TRAK2: variants seen among roughly 807,000 people sequenced by gnomAD.
TRAK2 encodes trafficking kinesin-binding protein 2.
Under a neutral mutation model 104.6 loss-of-function variants are expected in TRAK2, and 81 were observed. The ratio of observed to expected loss-of-function variants is 0.77; its 90% CI spans 0.65 to 0.93. The LOEUF (loss-of-function observed/expected upper bound fraction) is 0.93. Among genes scored for constraint, TRAK2 ranks in the 40% least tolerant of loss-of-function variants. The pLI is 0.00. For synonymous variants in TRAK2, 406 were observed against 394.4 expected (o/e 1.03, Z -0.35); for missense variants, 1,002 against 1,089.0 (o/e 0.92, Z 1.12).
At chr2:201,418,969 C>A (rs1205749157) in intron 2 of TRAK2, among the ~76,000 whole-genome samples, 2 of 152,142 alleles carry the variant, frequency 1.3e-5, no homozygotes, top group Non-Finnish European at 2.9e-5. Flanking sequence ...ATTTACCTAA[C>A]AAAGGACTTA....
At chr2:201,440,286 C>T (rs934005304) in intron 1 of TRAK2, among the ~76,000 whole-genome samples, 5 of 152,064 alleles carry the variant, frequency 3.3e-5, no homozygotes, top group African/African-American at 1.2e-4. Flanking sequence ...TCAACTACTA[C>T]ACTTTACTGT....
intron 15 of TRAK2, among the ~76,000 whole-genome samples, chr2:201,382,627 T>C (rs1302315020): frequency 6.6e-6 from 1 of 152,210 alleles, no homozygotes; most frequent in Non-Finnish European, 1.5e-5. Flanking sequence ...ACCAATTTTG[T>C]AAAACTTGTT....
intron 2 of TRAK2, 141 bp downstream of exon 2, chr2:201,420,276 T>G: frequency 1.6e-6 from 1 of 639,508 alleles, no homozygotes; most frequent in East Asian, 2.8e-5. Flanking sequence ...GATGGAGAGA[T>G]TAATTCAGTT....
At chr2:201,440,948 C>A (rs1163745091) in intron 1 of TRAK2, among the ~76,000 whole-genome samples, 1 of 152,190 alleles carries the variant, frequency 6.6e-6, no homozygotes, top group African/African-American at 2.4e-5. Flanking sequence ...AGGAAGGGAC[C>A]TTATTTTTGT....
chr2:201,400,210 T>G (rs6751543), intron 4 of TRAK2, among the ~76,000 whole-genome samples: 2 of 151,738 alleles, frequency 1.3e-5, no homozygotes, highest in South Asian at 4.2e-4. Context: ...TCTGGGCAGA[T>G]AGTGATACTT....
At chr2:201,443,991 A>G (rs543790841) in intron 1 of TRAK2, among the ~76,000 whole-genome samples, 1 of 152,272 alleles carries the variant, frequency 6.6e-6, no homozygotes, top group East Asian at 1.9e-4. Context: ...ACTTGAGTTC[A>G]GGAGTTCGAG....
chr2:201,444,640 A>G (rs1362101350), intron 1 of TRAK2, among the ~76,000 whole-genome samples: 1 of 151,588 alleles, frequency 6.6e-6, no homozygotes, highest in African/African-American at 2.4e-5. Context: ...ATAAATTGTA[A>G]TAATATATTT....
intron 1 of TRAK2, chr2:201,433,667 G>C (rs1262509830): frequency 6.6e-6 from 1 of 152,212 alleles, no homozygotes; most frequent in Non-Finnish European, 1.5e-5. Flanking sequence ...GAAAAGGGCG[G>C]TAACCTCTGG....
intron 9 of TRAK2, 152 bp downstream of exon 9, chr2:201,394,646 G>T: frequency 2.9e-6 from 2 of 698,766 alleles, no homozygotes; most frequent in Non-Finnish European, 4.6e-6. Context: ...CAGCCAAAAT[G>T]CTTTACTTCT....
intron 1 of TRAK2, among the ~76,000 whole-genome samples, chr2:201,428,406 C>A (rs896617299): frequency 3.3e-5 from 5 of 152,330 alleles, no homozygotes; most frequent in Non-Finnish European, 7.3e-5. Flanking sequence ...GTTTTCCCAG[C>A]ACCATTTATT....
intron 5 of TRAK2, 56 bp from the exon 6 acceptor site, chr2:201,398,410 A>C (rs1381265246): frequency 1.4e-6 from 2 of 1,435,566 alleles, no homozygotes; most frequent in African/African-American, 2.8e-5. Context: ...ATTTATAGCA[A>C]TATAGCTTCT....
intron 1 of TRAK2, among the ~76,000 whole-genome samples, chr2:201,443,876 G>C (rs751720523): frequency 1.8e-4 from 27 of 152,144 alleles, no homozygotes; most frequent in Non-Finnish European, 2.9e-4. Flanking sequence ...TAAGCAGCAA[G>C]AATAGTGTTT....
intron 1 of TRAK2, among the ~76,000 whole-genome samples, chr2:201,422,600 G>A (rs972620356): frequency 6.6e-6 from 1 of 152,194 alleles, no homozygotes; most frequent in Non-Finnish European, 1.5e-5. Flanking sequence ...AGCACTTTGA[G>A]CAAATCCTAG....
At chr2:201,393,211 T>C (rs1206603826) in intron 9 of TRAK2, among the ~76,000 whole-genome samples, 165 bp from the exon 10 acceptor site, 6 of 151,960 alleles carry the variant, frequency 3.9e-5, no homozygotes, top group Non-Finnish European at 7.4e-5. Context: ...AAGAAGCGTA[T>C]ATATATATAT....
At chr2:201,413,442 G>T in intron 2 of TRAK2, 22 of 386,236 alleles carry the variant, frequency 5.7e-5, no homozygotes, top group Non-Finnish European at 5.6e-5. Context: ...CTGGAGGAGG[G>T]AAAGGGATAG....
intron 1 of TRAK2, among the ~76,000 whole-genome samples, chr2:201,451,138 A>T (rs1393751565): frequency 6.6e-6 from 1 of 152,214 alleles, no homozygotes; most frequent in Non-Finnish European, 1.5e-5. Context: ...TACCGACGCC[A>T]GCGCCTAGCG....
Position 201,399,412 on chromosome 2 carries a change from A to G in TRAK2, c.445T>C (p.Ser149Pro). ...RNHVLSEQNE[S>P]LEEQLGQAFD... is the part of the protein sequence containing the mutation. Reference sequence around the variant, plus strand: ...GCTTGTCCCAATTGCTCCTCCAGGGATTCGTTCTGCTCAGATAAGACATGG... The same window carrying G: ...GCTTGTCCCAATTGCTCCTCCAGGGGTTCGTTCTGCTCAGATAAGACATGG... The change falls in exon 5 of 16, where the codon TCC (serine) becomes CCC (proline). Residue 149 changes from serine (S) to proline (P), a missense_variant. By Grantham distance (74) the Ser-to-Pro change is moderately conservative. Coordinates refer to ENST00000332624, the MANE Select transcript of TRAK2 (RefSeq NM_015049.3). 1 of 1,612,290 alleles carries G rather than the reference A, an allele frequency of 6.2e-7. No individual in the cohort carries two copies. The highest frequency in any genetic ancestry group is 8.5e-7 in the Non-Finnish European group (1 of 1,178,706).
intron 13 of TRAK2, among the ~76,000 whole-genome samples, chr2:201,386,766 G>A (rs921808208): frequency 6.6e-6 from 1 of 152,192 alleles, no homozygotes; most frequent in Non-Finnish European, 1.5e-5. Context: ...CTTAGCTGCT[G>A]AGGCAGTGAT....
At chr2:201,396,230 G>C (rs1951500413) in intron 7 of TRAK2, among the ~76,000 whole-genome samples, 1 of 152,178 alleles carries the variant, frequency 6.6e-6, no homozygotes, top group Non-Finnish European at 1.5e-5. Flanking sequence ...CTGGATCTGA[G>C]AGCTCTTGGG....
Sources: allele counts gnomAD v4.1 joint callset (sites outside exome capture counted in the v4.1 genomes callset), GRCh38; gene constraint gnomAD v4.1.1; transcripts MANE v1.5; gene names NCBI Gene and HGNC (gene_info 2026-07-23, HGNC 2026-07-21).